CDH18: variants seen among roughly 807,000 people sequenced by gnomAD.
CDH18 encodes cadherin-18.
In CDH18, 31 loss-of-function variants were observed where a neutral mutation model predicts 67.9. That is an observed-to-expected ratio of 0.46 (90% CI 0.34 to 0.62). CDH18 has a LOEUF of 0.62. Ranked by LOEUF, CDH18 falls within the 20% of genes least tolerant of loss-of-function variation. The pLI is 0.01. For missense variants in CDH18, 890 were observed against 975.5 expected (o/e 0.91, Z 1.17); for synonymous variants, 362 against 347.2 (o/e 1.04, Z -0.48).
intron 2 of CDH18, among the ~76,000 whole-genome samples, chr5:20,174,106 G>A (rs1469497361): frequency 6.6e-6 from 1 of 152,104 alleles, no homozygotes; most frequent in Non-Finnish European, 1.5e-5. Context: ...ACATATGCAA[G>A]AAGAGAAAAG....
intron 1 of CDH18, among the ~76,000 whole-genome samples, chr5:20,431,504 A>AAAAAAAAAAAAAAAAAAAAAAGAAG (rs536468948): frequency 5.0e-5 from 7 of 138,742 alleles, no homozygotes; most frequent in Non-Finnish European, 7.7e-5. Flanking sequence ...AAAAAAAAAA[A>AAAAAAAAAAAAAAAAAAAAAAGAAG]AAGAAGAAGA....
chr5:19,676,212 T>C (rs1296580368), intron 5 of CDH18, among the ~76,000 whole-genome samples: 2 of 151,988 alleles, frequency 1.3e-5, no homozygotes, highest in East Asian at 3.9e-4. Flanking sequence ...CCCTATCAAA[T>C]CTACGACTCA....
intron 5 of CDH18, among the ~76,000 whole-genome samples, chr5:19,667,537 C>T (rs932682337): frequency 2.5e-4 from 37 of 150,344 alleles, no homozygotes; most frequent in Admixed American, 1.3e-4. Flanking sequence ...CACATACACA[C>T]ACATAAACTG....
chr5:19,797,914 A>T (rs555612668), intron 3 of CDH18, among the ~76,000 whole-genome samples: 2 of 152,230 alleles, frequency 1.3e-5, no homozygotes, highest in Admixed American at 1.3e-4. Flanking sequence ...TTACTCTTTG[A>T]TATTAATGCT....
At chr5:19,725,917 T>A (rs1185939723) in intron 4 of CDH18, among the ~76,000 whole-genome samples, 1 of 152,232 alleles carries the variant, frequency 6.6e-6, no homozygotes, top group Non-Finnish European at 1.5e-5. Flanking sequence ...TATAAACTCC[T>A]CAGGTTTTGA....
chr5:19,528,829 C>G (rs1748148002), intron 9 of CDH18, among the ~76,000 whole-genome samples: 1 of 151,880 alleles, frequency 6.6e-6, no homozygotes, highest in Non-Finnish European at 1.5e-5. Context: ...TTTAGCAAAT[C>G]TCTTTTATGA....
At chr5:19,628,026 C>A (rs149144181) in intron 5 of CDH18, among the ~76,000 whole-genome samples, 14 of 152,214 alleles carry the variant, frequency 9.2e-5, no homozygotes, top group African/African-American at 3.4e-4. Flanking sequence ...TGTCTCCACC[C>A]AAATCTCATT....
chr5:20,263,890 G>C (rs960090813), intron 1 of CDH18, among the ~76,000 whole-genome samples: 3 of 151,830 alleles, frequency 2.0e-5, no homozygotes, highest in Non-Finnish European at 4.4e-5. Flanking sequence ...TTTACTACTA[G>C]CTAAGGAAAA....
intron 5 of CDH18, among the ~76,000 whole-genome samples, chr5:19,695,767 G>C (rs1273411748): frequency 1.3e-5 from 2 of 152,162 alleles, no homozygotes; most frequent in African/African-American, 4.8e-5. Context: ...ACCTTTGACT[G>C]TTACAGCAAC....
At chr5:20,472,157 C>A (rs1333790519) in intron 1 of CDH18, among the ~76,000 whole-genome samples, 3 of 152,072 alleles carry the variant, frequency 2.0e-5, no homozygotes, top group Non-Finnish European at 4.4e-5. Context: ...TTCTATGAGA[C>A]CTTAATAATA....
chr5:20,253,036 A>C (rs1407248454), intron 2 of CDH18, among the ~76,000 whole-genome samples: 2 of 152,138 alleles, frequency 1.3e-5, no homozygotes, highest in Non-Finnish European at 2.9e-5. Context: ...GGCTGGGAGG[A>C]TAAGATGGCT....
At chr5:20,404,324 A>T (rs1005230360) in intron 1 of CDH18, among the ~76,000 whole-genome samples, 2 of 152,124 alleles carry the variant, frequency 1.3e-5, no homozygotes, top group African/African-American at 4.8e-5. Flanking sequence ...TTTGCTTTGC[A>T]TCCACAACCT....
At position 19,669,466 on chromosome 5, in the gene CDH18, T is replaced by C. The variant is rs184696541; in HGVS notation, c.643+51881A>G. Among the ~76,000 whole-genome samples, 199 of 151,822 alleles carry C rather than the reference T, an allele frequency of 1.3e-3. 1 individual carries two copies. The highest frequency in any genetic ancestry group is 4.6e-3 in the African/African-American group (192 of 41,426). The stretch of plus-strand genomic sequence containing the variant: ...TGCCACCACATCTGGCTAATTTGTA[T>C]TCTTAGCAGAGACGGGGTTTCTCCA... On this transcript the variant is annotated intron_variant, in intron 5 of 12. Coordinates refer to ENST00000382275, the MANE Select transcript of CDH18 (RefSeq NM_004934.5).
intron 1 of CDH18, among the ~76,000 whole-genome samples, chr5:20,425,168 C>T (rs755973981): frequency 3.2e-4 from 48 of 150,752 alleles, no homozygotes; most frequent in Non-Finnish European, 6.6e-4. Flanking sequence ...AAGTTTGAGT[C>T]CAGCCTGACC....
intron 2 of CDH18, among the ~76,000 whole-genome samples, chr5:20,101,869 C>G (rs578186310): frequency 5.9e-4 from 90 of 152,170 alleles, no homozygotes; most frequent in African/African-American, 2.0e-3. Flanking sequence ...GTCAGGAGTT[C>G]GAGGCCATCC....
At chr5:20,360,682 A>G (rs762062918) in intron 1 of CDH18, among the ~76,000 whole-genome samples, 4 of 152,234 alleles carry the variant, frequency 2.6e-5, no homozygotes, top group Non-Finnish European at 4.4e-5. Flanking sequence ...TAGCAGATTA[A>G]TTATGCCAAC....
At chr5:19,559,153 T>A (rs1485903995) in intron 8 of CDH18, among the ~76,000 whole-genome samples, 1 of 152,202 alleles carries the variant, frequency 6.6e-6, no homozygotes, top group East Asian at 1.9e-4. Context: ...GCTTTTTGTT[T>A]CATTTATCTA....
At chr5:19,684,695 T>C (rs954091975) in intron 5 of CDH18, among the ~76,000 whole-genome samples, 5 of 151,982 alleles carry the variant, frequency 3.3e-5, no homozygotes, top group African/African-American at 1.2e-4. Context: ...TGGAATTGGA[T>C]ATATTTTTAC....
At chr5:19,879,793 G>C (rs1195334270) in intron 2 of CDH18, among the ~76,000 whole-genome samples, 2 of 151,896 alleles carry the variant, frequency 1.3e-5, no homozygotes, top group East Asian at 1.9e-4. Context: ...GACATAGTTG[G>C]AGTCTCCTAG....
Sources: gnomAD v4.1 joint callset for allele counts (sites outside exome capture counted in the v4.1 genomes callset) on GRCh38, gnomAD v4.1.1 for gene constraint, MANE v1.5 for transcripts, NCBI Gene and HGNC (gene_info 2026-07-23, HGNC 2026-07-21) for gene names.